PCDHGA5: variants seen among roughly 807,000 people sequenced by gnomAD.
The protein encoded by PCDHGA5 is protocadherin gamma subfamily A, 5.
PCDHGA5 carries 36 observed loss-of-function variants against 56.7 expected under a neutral mutation model. The observed-to-expected ratio is 0.64, with a 90% CI of 0.49 to 0.84. The LOEUF is 0.84. Among genes scored for constraint, PCDHGA5 ranks in the 40% least tolerant of loss-of-function variants. PCDHGA5 has a pLI of 0.00. For synonymous variants in PCDHGA5, 563 were observed against 520.2 expected, an observed-to-expected ratio of 1.08 and a Z score of -1.12; for missense variants, 1,305 against 1,201.5, an observed-to-expected ratio of 1.09 and a Z score of -1.27.
chr5:141,437,262 G>A (rs1490690532), intron 1 of PCDHGA5, among the ~76,000 whole-genome samples: 1 of 152,152 alleles, frequency 6.6e-6, no homozygotes, highest in Non-Finnish European at 1.5e-5. Flanking sequence ...CTTTTTATGT[G>A]TATGACAGAT....
At chr5:141,467,597 A>T (rs2099147099) in intron 1 of PCDHGA5, among the ~76,000 whole-genome samples, 1 of 152,136 alleles carries the variant, frequency 6.6e-6, no homozygotes, top group Non-Finnish European at 1.5e-5. Flanking sequence ...TTTATTAAGC[A>T]CTTCATCTTT....
At chr5:141,478,711 T>G (rs1420376406) in intron 1 of PCDHGA5, 1 of 1,547,346 alleles carries the variant, frequency 6.5e-7, no homozygotes. Context: ...CTTTGTGAGA[T>G]GGTGGCCTGC....
intron 1 of PCDHGA5, among the ~76,000 whole-genome samples, chr5:141,494,382 G>C (rs1311387598): frequency 6.6e-6 from 1 of 152,182 alleles, no homozygotes; most frequent in Non-Finnish European, 1.5e-5. Flanking sequence ...CCCAGCTGAG[G>C]AGTTGAATAA....
chr5:141,510,223 G>C (rs944276162), intron 3 of PCDHGA5, among the ~76,000 whole-genome samples: 1 of 151,302 alleles, frequency 6.6e-6, no homozygotes, highest in African/African-American at 2.4e-5. Context: ...CAGTGAGCCG[G>C]GATCGCGCCA....
At chr5:141,465,284 A>C (rs2099100147) in intron 1 of PCDHGA5, among the ~76,000 whole-genome samples, 1 of 152,176 alleles carries the variant, frequency 6.6e-6, no homozygotes, top group African/African-American at 2.4e-5. Flanking sequence ...TTCACCCCTA[A>C]AGAACTGAGA....
rs1259831891 is a variant in PCDHGA5 at position 141,383,082 on chromosome 5, G to C, written c.2421+16331G>C. 36 of 1,613,934 alleles carry C rather than the reference G, an allele frequency of 2.2e-5. 1 individual carries two copies. The highest frequency in any genetic ancestry group is 3.1e-5 in the Non-Finnish European group (36 of 1,179,910). ...GGCTGGAGCCCCGGGAGCTGGCGGA[G>C]CGCGGAGTCCGCATCATCTCCAGAG... On this transcript the variant is annotated intron_variant, in intron 1 of 3. Transcript: ENST00000518069.
In PCDHGA5 at chr5:141,382,679, C is replaced by T. The variant is rs184405216; in HGVS notation, c.2421+15928C>T. On this transcript the variant is annotated intron_variant, in intron 1 of 3. Transcript: ENST00000518069. ...ACTCACAGCGCCGCTGTTCACCAAC[C>T]AGGGAAAAATGGTGCGAGAGATCCC... 912 of 439,966 alleles carry T rather than the reference C, an allele frequency of 2.1e-3. 11 individuals carry two copies. Among genetic ancestry groups the T allele is most frequent in the Non-Finnish European group, 1.1e-3 (277 of 250,538 alleles). 27.3% of individuals were successfully genotyped at this position (439,966 alleles called of 1,614,324 possible). A position where few individuals can be genotyped will look rare whatever the true frequency, so the allele number is the denominator to read the frequency against.
intron 1 of PCDHGA5, chr5:141,414,391 T>TG (rs1367379916): frequency 6.2e-7 from 1 of 1,613,862 alleles, no homozygotes; most frequent in South Asian, 1.1e-5. Flanking sequence ...TGACAGTTAT[T>TG]ACAGATTGGT....
At position 141,476,973 on chromosome 5, in the gene PCDHGA5, A is replaced by C. The variant is rs1205314116; in HGVS notation, c.2422-17834A>C. Reference sequence around the variant, plus strand: ...GAAATTATTTACTCCTTCGGCAGCCACAACCGCGCCGGCGTGCGGCAACTA... The same window carrying C: ...GAAATTATTTACTCCTTCGGCAGCCCCAACCGCGCCGGCGTGCGGCAACTA... On this transcript the variant is annotated intron_variant, in intron 1 of 3. Coordinates refer to ENST00000518069, the MANE Select transcript of PCDHGA5 (RefSeq NM_018918.3). The surrounding 1 kb of genome is among the most constrained non-coding windows in gnomAD (Gnocchi z 7.6). 6.2e-7 allele frequency: 1 copy of C among 1,614,230 alleles called. No homozygotes were observed. The highest frequency in any genetic ancestry group is 2.2e-5 in the East Asian group (1 of 44,884).
At position 141,431,433 on chromosome 5, in the gene PCDHGA5, C is replaced by T; in HGVS notation, c.2422-63374C>T. ...GGGGGCGACCCGGTGCGCACAGGCA[C>T]CGCGCGCATCCGCGTGATGGTTCTG... On this transcript the variant is annotated intron_variant, in intron 1 of 3. Transcript: ENST00000518069. This position sits in a 1 kb window ranked among gnomAD's most constrained non-coding sequence, Gnocchi z 4.8. 1.9e-6 allele frequency: 3 copies of T among 1,613,716 alleles called. No homozygotes were observed. The highest frequency in any genetic ancestry group is 2.5e-6 in the Non-Finnish European group (3 of 1,180,028).
chr5:141,500,043 T>A (rs1240979831), intron 2 of PCDHGA5, among the ~76,000 whole-genome samples: 1 of 152,048 alleles, frequency 6.6e-6, no homozygotes, highest in East Asian at 1.9e-4. Flanking sequence ...CTCTTAAGTA[T>A]CTTAATGCTC....
intron 1 of PCDHGA5, chr5:141,418,432 T>A: frequency 6.2e-7 from 1 of 1,613,956 alleles, no homozygotes; most frequent in East Asian, 2.2e-5. Context: ...GTGGCAAATA[T>A]CCAGAATTAG....
intron 1 of PCDHGA5, chr5:141,376,482 C>T (rs768933228): frequency 4.3e-6 from 7 of 1,614,148 alleles, no homozygotes; most frequent in South Asian, 1.1e-5. Context: ...TTACTTGAAA[C>T]GAAAGGAGAA....
intron 1 of PCDHGA5, among the ~76,000 whole-genome samples, chr5:141,447,098 A>G (rs2098525979): frequency 6.6e-6 from 1 of 151,934 alleles, no homozygotes. Flanking sequence ...TTTCTTTCAC[A>G]TGATTATATG....
At chr5:141,441,527 A>G (rs2098252922) in intron 1 of PCDHGA5, 2 of 173,076 alleles carry the variant, frequency 1.2e-5, no homozygotes, top group African/African-American at 2.4e-5. Flanking sequence ...GTGGCCAAGA[A>G]CAATCTTCCC....
chr5:141,511,041 C>T lies in PCDHGA5; in HGVS notation c.2664C>T (p.Pro888=), dbSNP rs1421629777. 1.5e-5 allele frequency: 24 copies of T among 1,614,076 alleles called. No individual in the cohort carries two copies. The highest frequency in any genetic ancestry group is 5.5e-5 in the South Asian group (5 of 91,092). Residue 888 remains proline, a synonymous_variant, in exon 4 of 4, where the codon CCC becomes CCT. Transcript: ENST00000518069. The part of the protein sequence containing the change: ...YGPQFTLQHV[P]DYRQNVYIPG... ...CCCAGTTCACCCTGCAGCACGTGCCCGACTACCGCCAGAATGTCTACATCC... is the reference window on the plus strand; with the variant it reads ...CCCAGTTCACCCTGCAGCACGTGCCTGACTACCGCCAGAATGTCTACATCC...
chr5:141,364,590 C>G lies in PCDHGA5; in HGVS notation c.260C>G (p.Ala87Gly), dbSNP rs751302023. The change falls in exon 1 of 4, where the codon GCG becomes GGG. Residue 87 changes from alanine to glycine, a missense_variant. Physicochemically the swap from Ala to Gly is moderately conservative, Grantham distance 60. Transcript: ENST00000518069. ...LNPRSGSLVT[A>G]GRIDREELCA... ...CCGCGAAGCGGCAGCTTGGTCACCG[C>G]GGGCAGGATAGACCGGGAGGAGCTC... 2.7e-5 allele frequency: 44 copies of G among 1,614,196 alleles called. 1 individual carries two copies. In the South Asian group the frequency reaches 3.6e-4, roughly 13 times the overall value.
In PCDHGA5 at chr5:141,462,417, A is replaced by G. The variant is rs184240612; in HGVS notation, c.2422-32390A>G. 4.0e-4 allele frequency among the ~76,000 whole-genome samples: 61 copies of G among 152,300 alleles called. 1 individual carries two copies. The highest frequency in any genetic ancestry group is 3.2e-3 in the Admixed American group (49 of 15,300). ...TCTTTTATGGCACAGAATATGGTCT[A>G]TCTTGGTGAGTGTTGCTTACACACA... On this transcript the variant is annotated intron_variant, in intron 1 of 3. Transcript: ENST00000518069.
At chr5:141,419,204 G>A (rs1291977951) in intron 1 of PCDHGA5, 1 of 1,613,798 alleles carries the variant, frequency 6.2e-7, no homozygotes, top group Non-Finnish European at 8.5e-7. Flanking sequence ...CAATGACAAC[G>A]CGCCGGTTTT....
Sources: allele counts gnomAD v4.1 joint callset (sites outside exome capture counted in the v4.1 genomes callset), GRCh38; gene constraint gnomAD v4.1.1; non-coding constraint Gnocchi (gnomAD v3.1); transcripts MANE v1.5; gene names NCBI Gene and HGNC (gene_info 2026-07-23, HGNC 2026-07-21).